Variants in CERS5 observed in about 807,000 individuals in gnomAD.
The protein encoded by CERS5 is LAG1 homolog, ceramide synthase 5.
CERS5 carries 37 observed loss-of-function variants against 58.9 expected under a neutral mutation model. The observed-to-expected ratio is 0.63, with a 90% CI of 0.48 to 0.83. CERS5 has a LOEUF of 0.83. CERS5 is among the 40% of genes least tolerant of loss of function. CERS5 has a pLI of 0.00. For synonymous variants in CERS5, 147 were observed against 177.8 expected, an observed-to-expected ratio of 0.83 and a Z score of 1.38; for missense variants, 398 against 489.3, an observed-to-expected ratio of 0.81 and a Z score of 1.76.
chr12:50,155,824 G>A (rs182899603), intron 1 of CERS5, among the ~76,000 whole-genome samples: 170 of 150,238 alleles, frequency 1.1e-3, no homozygotes, highest in African/African-American at 3.7e-3. Context: ...ATTAGTGGCC[G>A]GGCATGGTGG....
At chr12:50,136,130 C>A (rs1251097887) in intron 6 of CERS5, 61 bp from the exon 7 acceptor site, 2 of 1,401,264 alleles carry the variant, frequency 1.4e-6, no homozygotes, top group African/African-American at 2.9e-5. Flanking sequence ...CACCAGCCAA[C>A]CCAACGTCCT....
At chr12:50,134,873 T>C (rs771091328) in intron 8 of CERS5, 171 bp from the exon 9 acceptor site, 1 of 605,538 alleles carries the variant, frequency 1.7e-6, no homozygotes, top group Non-Finnish European at 2.9e-6. Flanking sequence ...GAGGAGCCTG[T>C]TGTGTTTTCT....
At position 50,143,518 on chromosome 12, in the gene CERS5, C is replaced by T. The variant is rs772558351; in HGVS notation, c.304-314G>A. ...CCTGGGATTTTTGAAGGCTGAGGGC[C>T]GAAGGATGGCTTGAGCCCAGGAGTC... On this transcript the variant is annotated intron_variant, in intron 2 of 9. Coordinates refer to ENST00000317551, the MANE Select transcript of CERS5 (RefSeq NM_147190.5). The T allele has an allele frequency of 3.5e-5, 10 of 288,978 alleles. No homozygotes were observed. In the South Asian group the frequency reaches 3.6e-4, roughly 10 times the overall value. The allele number at this position is 288,978 out of a possible 1,614,324, so 17.9% of individuals were successfully genotyped here.
intron 7 of CERS5, 37 bp from the exon 8 acceptor site, chr12:50,135,875 G>A (rs2138031360): frequency 6.3e-7 from 1 of 1,597,826 alleles, no homozygotes; most frequent in African/African-American, 1.3e-5. Flanking sequence ...TGGGGAGAAA[G>A]TCATTCCTCA....
intron 1 of CERS5, among the ~76,000 whole-genome samples, chr12:50,153,253 G>C (rs1938170939): frequency 7.1e-6 from 1 of 140,786 alleles, no homozygotes; most frequent in African/African-American, 2.6e-5. Context: ...TGGTTATAAT[G>C]AGATAAACTA....
chr12:50,136,189 T>C (rs1175208271), intron 6 of CERS5, 120 bp from the exon 7 acceptor site: 48 of 888,720 alleles, frequency 5.4e-5, no homozygotes, highest in Non-Finnish European at 7.3e-5. Context: ...ATAGTTTCCA[T>C]TGGCCGGGCG....
At chr12:50,148,927 A>ATATATATAT (rs1292802919) in intron 1 of CERS5, among the ~76,000 whole-genome samples, 23 of 48,018 alleles carry the variant, frequency 4.8e-4, no homozygotes, top group African/African-American at 1.6e-3. Flanking sequence ...AAAAAAAAAA[A>ATATATATAT]ATATATATAT....
chr12:50,158,053 C>A (rs372460135), intron 1 of CERS5, among the ~76,000 whole-genome samples: 1 of 113,762 alleles, frequency 8.8e-6, no homozygotes. Context: ...CAGAGTGAGA[C>A]CATGACCAAA....
intron 1 of CERS5, among the ~76,000 whole-genome samples, chr12:50,147,595 A>G (rs1952363192): frequency 6.6e-6 from 1 of 152,154 alleles, no homozygotes; most frequent in South Asian, 2.1e-4. Flanking sequence ...ATAAAAATCT[A>G]TTCTCTCTCA....
intron 1 of CERS5, among the ~76,000 whole-genome samples, chr12:50,150,167 C>T (rs541105908): frequency 1.3e-4 from 20 of 152,158 alleles, no homozygotes; most frequent in Non-Finnish European, 2.5e-4. Context: ...TAAGACCAGT[C>T]TGGGCAACAT....
intron 1 of CERS5, among the ~76,000 whole-genome samples, chr12:50,149,110 T>C (rs1331935900): frequency 6.6e-6 from 1 of 151,780 alleles, no homozygotes; most frequent in Non-Finnish European, 1.5e-5. Context: ...TTTTTTAAGA[T>C]TGTAAAGGAG....
At chr12:50,133,496 TGGTCACC>T in intron 9 of CERS5, 1 of 990,714 alleles carries the variant, frequency 1.0e-6, no homozygotes, top group Non-Finnish European at 1.2e-6. Flanking sequence ...TATCACAGCA[TGGTCACC>T]TTGTGGTGGC....
intron 9 of CERS5, among the ~76,000 whole-genome samples, chr12:50,131,418 G>C (rs1304324908): frequency 1.3e-5 from 2 of 152,004 alleles, no homozygotes; most frequent in African/African-American, 2.4e-5. Flanking sequence ...AATTAGCCGG[G>C]TGTGGTGGCG....
rs756844117 is a variant in CERS5, at chr12:50,167,202, C to T, written c.96G>A (p.Leu32=). The change falls in exon 1 of 10, where the codon CTG becomes CTA. Residue 32 remains leucine, a synonymous_variant. Transcript: ENST00000317551. ...WLPENVSWAD[L]EGPADGYGYP... ...AACCGTAGCCGTCGGCCGGCCCCTC[C>T]AGATCAGCCCAGCTCACGTTCTCGG... 1.1e-4 allele frequency: 178 copies of T among 1,607,242 alleles called. No homozygotes were observed. Among genetic ancestry groups the T allele is most frequent in the Non-Finnish European group, 1.3e-4 (151 of 1,178,264 alleles).
chr12:50,138,793 A>G (rs1262069644), intron 4 of CERS5, among the ~76,000 whole-genome samples, 176 bp from the exon 5 acceptor site: 2 of 152,236 alleles, frequency 1.3e-5, no homozygotes, highest in African/African-American at 4.8e-5. Flanking sequence ...TCTACAACAG[A>G]ATGTTATAAA....
chr12:50,136,657 G>A (rs1038237294), intron 6 of CERS5, among the ~76,000 whole-genome samples: 1 of 152,056 alleles, frequency 6.6e-6, no homozygotes, highest in Non-Finnish European at 1.5e-5. Context: ...TGACACTTGG[G>A]GATAACATCC....
intron 7 of CERS5, 36 bp downstream of exon 7, chr12:50,135,902 GAGA>G (rs771108845): frequency 1.5e-4 from 244 of 1,582,114 alleles, no homozygotes; most frequent in Middle Eastern, 3.4e-4. Flanking sequence ...AAGAAAAGAA[GAGA>G]AGAAGAAGAT....
intron 1 of CERS5, among the ~76,000 whole-genome samples, chr12:50,157,093 A>G (rs747709327): frequency 2.0e-5 from 3 of 152,110 alleles, no homozygotes; most frequent in Non-Finnish European, 4.4e-5. Context: ...AAAAACGTGA[A>G]AAGACTAGAC....
At chr12:50,161,262 C>T (rs1939234011) in intron 1 of CERS5, among the ~76,000 whole-genome samples, 1 of 152,142 alleles carries the variant, frequency 6.6e-6, no homozygotes, top group South Asian at 2.1e-4. Flanking sequence ...CTTTCCAAGT[C>T]ATCCCCATCA....
Sources: allele counts gnomAD v4.1 joint callset (sites outside exome capture counted in the v4.1 genomes callset), GRCh38; gene constraint gnomAD v4.1.1; transcripts MANE v1.5; gene names NCBI Gene and HGNC (gene_info 2026-07-23, HGNC 2026-07-21).